ZNF823: variants seen among roughly 807,000 people sequenced by gnomAD.
ZNF823 encodes the protein zinc finger protein 823.
In ZNF823, 5 loss-of-function variants were observed where a neutral mutation model predicts 11.4. The observed-to-expected ratio is 0.44, with a 90% CI of 0.23 to 0.92. ZNF823 has a LOEUF of 0.92. Ranked by LOEUF, ZNF823 falls within the 40% of genes least tolerant of loss-of-function variation. The probability of loss-of-function intolerance (pLI) is 0.24; values close to 1 mark genes in which losing one functional copy is unlikely to be tolerated. For missense variants in ZNF823, 582 were observed against 738.5 expected, an observed-to-expected ratio of 0.79 and a Z score of 2.46; for synonymous variants, 234 against 250.5, an observed-to-expected ratio of 0.93 and a Z score of 0.62.
intron 1 of ZNF823, among the ~76,000 whole-genome samples, chr19:11,734,236 G>C: frequency 7.0e-6 from 1 of 142,760 alleles, no homozygotes; most frequent in South Asian, 2.2e-4. Flanking sequence ...GTGAGACTCT[G>C]TCTCAAAAAA....
intron 1 of ZNF823, among the ~76,000 whole-genome samples, chr19:11,735,825 C>T (rs868229921): frequency 1.1e-4 from 17 of 152,114 alleles, no homozygotes; most frequent in Non-Finnish European, 1.8e-4. Context: ...AAAACCACAA[C>T]GCATCTATAT....
chr19:11,726,304 ATAT>A lies in ZNF823; in HGVS notation c.4-980_4-978del, dbSNP rs1456976144. ...AAAAAATACATATATATATATATAT[ATAT>A]AAATTTTTTTTTAACTTAACTCCTA... On this transcript the variant is annotated intron_variant, in intron 1 of 3. Coordinates refer to ENST00000341191, the MANE Select transcript of ZNF823 (RefSeq NM_001080493.4). Among the ~76,000 whole-genome samples, 176 of 144,294 alleles carry A rather than the reference ATAT, an allele frequency of 1.2e-3. 1 individual carries two copies. The highest frequency in any genetic ancestry group is 4.2e-3 in the African/African-American group (171 of 40,642). 94.7% of individuals were successfully genotyped at this position (144,294 alleles called of 152,430 possible).
intron 1 of ZNF823, among the ~76,000 whole-genome samples, chr19:11,729,073 G>A (rs1974847147): frequency 6.6e-6 from 1 of 151,962 alleles, no homozygotes; most frequent in South Asian, 2.1e-4. Flanking sequence ...TACTTGGGAG[G>A]CTGAGGCATG....
chr19:11,738,691 C>G (rs1599712983), intron 1 of ZNF823, 126 bp downstream of exon 1: 1 of 1,279,578 alleles, frequency 7.8e-7, no homozygotes, highest in South Asian at 1.6e-5. Flanking sequence ...AGAGCTGCGC[C>G]AGGGGCACTG....
Sources: allele counts gnomAD v4.1 joint callset (sites outside exome capture counted in the v4.1 genomes callset), GRCh38; gene constraint gnomAD v4.1.1; transcripts MANE v1.5; gene names NCBI Gene and HGNC (gene_info 2026-07-23, HGNC 2026-07-21).